UBE3D: variants seen among roughly 807,000 people sequenced by gnomAD.
UBE3D encodes ubiquitin protein ligase E3D.
UBE3D carries 48 observed loss-of-function variants against 49.6 expected under a neutral mutation model. That is an observed-to-expected ratio of 0.97 (90% confidence interval 0.77 to 1.23). UBE3D has a LOEUF of 1.23. Among genes scored for constraint, UBE3D ranks in the 50% most tolerant of loss-of-function variants. The pLI, the probability that UBE3D is intolerant of heterozygous loss-of-function variation, is 0.00. For synonymous variants in UBE3D, 189 were observed against 174.2 expected (o/e 1.08, Z -0.67); for missense variants, 452 against 468.4 (o/e 0.96, Z 0.32).
chr6:82,907,068 A>C (rs1272440978), intron 9 of UBE3D, among the ~76,000 whole-genome samples: 1 of 152,204 alleles, frequency 6.6e-6, no homozygotes, highest in East Asian at 1.9e-4. Context: ...TGTATGGGTA[A>C]AAGAAAAATG....
intron 9 of UBE3D, among the ~76,000 whole-genome samples, chr6:82,902,668 T>A (rs1771823637): frequency 6.6e-6 from 1 of 152,200 alleles, no homozygotes; most frequent in South Asian, 2.1e-4. Flanking sequence ...GGGATTCCTG[T>A]GTTGATAGAA....
intron 9 of UBE3D, among the ~76,000 whole-genome samples, chr6:82,939,221 T>C (rs1424622794): frequency 2.0e-5 from 3 of 152,214 alleles, no homozygotes; most frequent in Admixed American, 2.0e-4. Context: ...GCCCAGAGCC[T>C]GCCAGGCCTT....
At chr6:82,929,801 C>T (rs961213477) in intron 9 of UBE3D, among the ~76,000 whole-genome samples, 3 of 152,020 alleles carry the variant, frequency 2.0e-5, no homozygotes, top group African/African-American at 7.3e-5. Flanking sequence ...TCCCATATTC[C>T]CTCTGTATCC....
At chr6:82,967,560 T>C (rs892173673) in intron 8 of UBE3D, among the ~76,000 whole-genome samples, 1 of 152,200 alleles carries the variant, frequency 6.6e-6, no homozygotes, top group Non-Finnish European at 1.5e-5. Context: ...ATAAGTAGAA[T>C]CATATAATAT....
chr6:82,959,717 C>CAAA (rs778278435), intron 8 of UBE3D, among the ~76,000 whole-genome samples: 4 of 37,710 alleles, frequency 1.1e-4, no homozygotes, highest in South Asian at 1.2e-3. Context: ...GTGAGACCTC[C>CAAA]AAAAAAAAAA....
At chr6:83,064,787 G>A (rs1009752189) in intron 1 of UBE3D, among the ~76,000 whole-genome samples, 3 of 152,156 alleles carry the variant, frequency 2.0e-5, no homozygotes, top group Non-Finnish European at 2.9e-5. Context: ...TCGTGAGGAA[G>A]CTAGCATTTG....
intron 9 of UBE3D, among the ~76,000 whole-genome samples, chr6:82,907,431 A>G (rs192736655): frequency 6.6e-6 from 1 of 152,330 alleles, no homozygotes; most frequent in East Asian, 1.9e-4. Flanking sequence ...AATTTAGATC[A>G]AATTTATTCA....
At chr6:82,951,778 T>C (rs981837089) in intron 9 of UBE3D, among the ~76,000 whole-genome samples, 15 of 152,194 alleles carry the variant, frequency 9.9e-5, no homozygotes, top group African/African-American at 3.6e-4. Flanking sequence ...TTGTTCCTAC[T>C]GTGCCATTCT....
intron 9 of UBE3D, among the ~76,000 whole-genome samples, chr6:82,921,162 C>A (rs1230952945): frequency 6.6e-6 from 1 of 152,104 alleles, no homozygotes; most frequent in East Asian, 1.9e-4. Context: ...GCATGTTGCC[C>A]AGGCTGGTCT....
At chr6:83,030,098 G>A (rs1300829755) in intron 5 of UBE3D, among the ~76,000 whole-genome samples, 1 of 152,136 alleles carries the variant, frequency 6.6e-6, no homozygotes, top group Non-Finnish European at 1.5e-5. Context: ...GAGTTTAGCA[G>A]TCAGCCAGAG....
At chr6:82,973,922 T>C (rs75147761) in intron 8 of UBE3D, among the ~76,000 whole-genome samples, 2,008 of 152,256 alleles carry the variant, frequency 0.013, 38 homozygotes, top group African/African-American at 0.045. Context: ...GGATCTAGGT[T>C]GCGCACTCCT....
intron 5 of UBE3D, among the ~76,000 whole-genome samples, chr6:83,024,396 G>C (rs184688302): frequency 1.3e-5 from 2 of 152,248 alleles, no homozygotes; most frequent in East Asian, 1.9e-4. Flanking sequence ...CAATGAAAAA[G>C]ACTTCTGGTT....
intron 9 of UBE3D, among the ~76,000 whole-genome samples, chr6:82,919,419 C>T (rs1002523045): frequency 1.3e-5 from 2 of 151,262 alleles, no homozygotes; most frequent in African/African-American, 2.4e-5. Flanking sequence ...CTGGCTAACA[C>T]GGTGAAACCC....
chr6:82,904,035 G>A (rs188314572), intron 9 of UBE3D, among the ~76,000 whole-genome samples: 6 of 152,246 alleles, frequency 3.9e-5, no homozygotes, highest in East Asian at 1.9e-4. Context: ...CATTCAAAGC[G>A]GTAGATTCTC....
intron 8 of UBE3D, among the ~76,000 whole-genome samples, chr6:83,015,791 C>T (rs1458877414): frequency 2.6e-5 from 4 of 152,094 alleles, no homozygotes; most frequent in African/African-American, 7.2e-5. Context: ...TAAGGGGAGG[C>T]CTGTTGCCTC....
Position 82,918,290 on chromosome 6 carries a change from C to CA in UBE3D, c.1150-25249dup, listed in dbSNP as rs1264772779. Among the ~76,000 whole-genome samples the CA allele has an allele frequency of 2.5e-3, 367 of 145,688 alleles. 3 individuals carry two copies. The highest frequency in any genetic ancestry group is 7.2e-3 in the African/African-American group (287 of 39,882). The stretch of plus-strand genomic sequence containing the variant: ...GGGTAAAAAACAACAACAACAACAA[C>CA]AAAAAAAAAACAAAAAAATAAACCC... On this transcript the variant is annotated intron_variant, in intron 9 of 9. Transcript: ENST00000369747.
At chr6:83,017,150 CA>C (rs1450022382) in intron 8 of UBE3D, 1 of 152,114 alleles carries the variant, frequency 6.6e-6, no homozygotes, top group African/African-American at 2.4e-5. Context: ...TGAAGAAGAG[CA>C]AAATCTCCTA....
At chr6:82,930,899 A>C (rs1354792482) in intron 9 of UBE3D, among the ~76,000 whole-genome samples, 1 of 152,228 alleles carries the variant, frequency 6.6e-6, no homozygotes, top group Non-Finnish European at 1.5e-5. Flanking sequence ...ATGAATATTA[A>C]TCACCAAGAC....
chr6:83,012,922 G>A (rs559958682), intron 8 of UBE3D, among the ~76,000 whole-genome samples: 1 of 152,162 alleles, frequency 6.6e-6, no homozygotes, highest in Non-Finnish European at 1.5e-5. Context: ...CCCGCATATC[G>A]TGCAGAACCA....
Sources: allele counts gnomAD v4.1 joint callset (sites outside exome capture counted in the v4.1 genomes callset), GRCh38; gene constraint gnomAD v4.1.1; transcripts MANE v1.5; gene names NCBI Gene and HGNC (gene_info 2026-07-23, HGNC 2026-07-21).